The following CDH23 variants were observed in gnomAD, a reference collection of about 807,000 sequenced individuals.
CDH23 encodes the protein cadherin related 23, also known as cadherin-23.
CDH23 carries 189 observed loss-of-function variants against 317.1 expected under a neutral mutation model. The ratio of observed to expected loss-of-function variants is 0.60; its 90% CI spans 0.53 to 0.67. The LOEUF (loss-of-function observed/expected upper bound fraction) is 0.67, where lower values mean the gene tolerates loss of function less well. Among genes scored for constraint, CDH23 ranks in the 30% least tolerant of loss-of-function variants. The pLI is 0.00. For missense variants in CDH23, 4,401 were observed against 4,592.4 expected (o/e 0.96, Z 1.20); for synonymous variants, 1,839 against 1,876.8 (o/e 0.98, Z 0.52).
At chr10:71,590,026 G>T (rs546249243) in intron 9 of CDH23, among the ~76,000 whole-genome samples, 1 of 152,314 alleles carries the variant, frequency 6.6e-6, no homozygotes, top group South Asian at 2.1e-4. Flanking sequence ...CCAGCAGGCT[G>T]GCTGTAAGCC....
intron 17 of CDH23, among the ~76,000 whole-genome samples, chr10:71,680,158 T>A (rs1418342138): frequency 6.6e-6 from 1 of 152,206 alleles, no homozygotes; most frequent in African/African-American, 2.4e-5. Flanking sequence ...TTTGACACTG[T>A]CTCCCCTTAC....
In CDH23 at chr10:71,690,552, G is replaced by T. The variant is rs750954981; in HGVS notation, c.2144G>T (p.Gly715Val). The change falls in exon 20 of 70, where the codon GGC (glycine) becomes GTC (valine). Residue 715 changes from glycine (G) to valine (V), a missense_variant. By Grantham distance (109) the Gly-to-Val change is moderately radical. Around this residue, in one of 3 missense-constraint regions of CDH23, gnomAD observed 3,068 missense variants for 3,203.3 expected, o/e 0.96. Coordinates refer to ENST00000224721, the MANE Select transcript of CDH23 (RefSeq NM_022124.6). ...GQESIIYSLE[G>V]STQFRINARS... ...GAGTCCATCATCTACTCCTTGGAAG[G>T]CTCCACCCAGTTTCGGATCAATGCC... 12 of 1,608,094 alleles carry T rather than the reference G, an allele frequency of 7.5e-6. No homozygotes were observed. The highest frequency in any genetic ancestry group is 2.2e-5 in the East Asian group (1 of 44,752).
intron 28 of CDH23, among the ~76,000 whole-genome samples, chr10:71,723,412 C>A (rs1402098126): frequency 6.6e-6 from 1 of 152,194 alleles, no homozygotes; most frequent in Admixed American, 6.5e-5. Context: ...AACGTCCCCC[C>A]CCACACACAA....
At position 71,745,091 on chromosome 10, in the gene CDH23, T is replaced by C. The variant is rs185836310; in HGVS notation, c.4845+3170T>C. 7.1e-3 allele frequency among the ~76,000 whole-genome samples: 1,084 copies of C among 152,364 alleles called. 5 individuals carry two copies. Among genetic ancestry groups the C allele is most frequent in the Admixed American group, 0.011 (169 of 15,308 alleles). ...ACTCATTCACTCATTCACTCATTCA[T>C]TCATTCAGCCATTGTCCCTGAATGG... On this transcript the variant is annotated intron_variant, in intron 38 of 69. Transcript: ENST00000224721.
At chr10:71,730,356 C>A in intron 30 of CDH23, 113 bp from the exon 31 acceptor site, 1 of 1,390,124 alleles carries the variant, frequency 7.2e-7, no homozygotes, top group Non-Finnish European at 9.7e-7. Context: ...AGAGGGAGCT[C>A]ACAGCAGGCC....
intron 23 of CDH23, 101 bp from the exon 24 acceptor site, chr10:71,702,448 T>C (rs1240219110): frequency 6.8e-7 from 1 of 1,466,012 alleles, no homozygotes; most frequent in Non-Finnish European, 9.4e-7. Context: ...GATGGAGGGC[T>C]CTGAATCTGC....
At chr10:71,813,056 G>A (rs534457192) in intron 68 of CDH23, among the ~76,000 whole-genome samples, 166 bp downstream of exon 68, 1 of 152,310 alleles carries the variant, frequency 6.6e-6, no homozygotes, top group African/African-American at 2.4e-5. Flanking sequence ...GTGGCCTTAA[G>A]GGCAGGGCTC....
chr10:71,676,727 G>A (rs945464195), intron 15 of CDH23, among the ~76,000 whole-genome samples: 4 of 152,342 alleles, frequency 2.6e-5, no homozygotes, highest in Admixed American at 1.3e-4. Flanking sequence ...ATGGCTGAAT[G>A]CACAGGGAGC....
At chr10:71,674,549 G>T (rs140879204) in intron 14 of CDH23, among the ~76,000 whole-genome samples, 1 of 152,160 alleles carries the variant, frequency 6.6e-6, no homozygotes, top group Non-Finnish European at 1.5e-5. Flanking sequence ...ACCTCTGCAT[G>T]GATTATTTAC....
chr10:71,415,158 T>C (rs898871129), intron 1 of CDH23, among the ~76,000 whole-genome samples: 3 of 152,218 alleles, frequency 2.0e-5, no homozygotes, highest in South Asian at 4.1e-4. Flanking sequence ...GTGCCCAGGC[T>C]GGAGTGCAGT....
At chr10:71,659,960 GTTTTTTTTTT>G (rs5786047) in intron 14 of CDH23, among the ~76,000 whole-genome samples, 23 of 119,530 alleles carry the variant, frequency 1.9e-4, no homozygotes, top group African/African-American at 6.8e-4. Context: ...CTTTCTTTCC[GTTTTTTTTTT>G]TTTTTTTTTT....
chr10:71,704,130 G>C (rs974378604), intron 24 of CDH23, among the ~76,000 whole-genome samples: 1 of 152,232 alleles, frequency 6.6e-6, no homozygotes, highest in Non-Finnish European at 1.5e-5. Flanking sequence ...GCTGAGTCCA[G>C]ACACCTCTCG....
Position 71,694,152 on chromosome 10 carries a change from A to G in CDH23, c.2182A>G (p.Ile728Val), listed in dbSNP as rs1865286018. 5 of 1,613,544 alleles carry G rather than the reference A, an allele frequency of 3.1e-6. No homozygotes were observed. The African/African-American group carries it at 6.7e-5, about 22-fold the overall frequency. Reference sequence around the variant, plus strand: ...CCCACTTCTCTCTCTGGCAGGGGAAATCACCACCACGTCTCTGCTTGACCG... The same window carrying G: ...CCCACTTCTCTCTCTGGCAGGGGAAGTCACCACCACGTCTCTGCTTGACCG... Reference protein sequence around the residue: ...QFRINARSGEITTTSLLDRET... With the variant: ...QFRINARSGEVTTTSLLDRET... The change falls in exon 21 of 70, where the codon ATC becomes GTC. Residue 728 changes from isoleucine to valine, a missense_variant. Ile to Val is a conservative substitution (Grantham distance 29). Transcript: ENST00000224721.
At chr10:71,417,968 C>G (rs906029947) in intron 1 of CDH23, among the ~76,000 whole-genome samples, 12 of 152,226 alleles carry the variant, frequency 7.9e-5, no homozygotes, top group African/African-American at 2.9e-4. Context: ...TCAACTGTAT[C>G]TAATTCACTG....
Position 71,791,186 on chromosome 10 carries a change from C to A in CDH23, c.6104C>A (p.Pro2035His). The change falls in exon 47 of 70, where the codon CCC becomes CAC. Residue 2035 changes from proline to histidine, a missense_variant. Around this residue, in one of 3 missense-constraint regions of CDH23, gnomAD observed 3,068 missense variants for 3,203.3 expected, o/e 0.96. Coordinates refer to ENST00000224721, the MANE Select transcript of CDH23 (RefSeq NM_022124.6). ...ATTGACCGGGAGGCATTCTCGCCACCCATCCTGGAGCTGCTGCTGCTGGCT... is the reference window on the plus strand; with the variant it reads ...ATTGACCGGGAGGCATTCTCGCCACACATCCTGGAGCTGCTGCTGCTGGCT... ...VIIDREAFSP[P>H]ILELLLLAED... The A allele has an allele frequency of 6.2e-7, 1 of 1,613,188 alleles. No individual in the cohort carries two copies. The highest frequency in any genetic ancestry group is 8.5e-7 in the Non-Finnish European group (1 of 1,179,612).
chr10:71,743,517 ACC>A (rs1839786136), intron 38 of CDH23, among the ~76,000 whole-genome samples: 1 of 152,098 alleles, frequency 6.6e-6, no homozygotes, highest in Non-Finnish European at 1.5e-5. Context: ...GACTCTGGGC[ACC>A]CCTGTGGGCA....
Position 71,397,210 on chromosome 10 carries a change from A to G in CDH23, c.-114A>G. The G allele has an allele frequency of 4.1e-6, 1 of 242,656 alleles. No homozygotes were observed. The highest frequency in any genetic ancestry group is 8.3e-6 in the Non-Finnish European group (1 of 121,080). 15.0% of individuals were successfully genotyped at this position (242,656 alleles called of 1,614,324 possible). On this transcript the variant is annotated 5_prime_UTR_variant, in exon 1 of 70. Coordinates refer to ENST00000224721, the MANE Select transcript of CDH23 (RefSeq NM_022124.6). The surrounding 1 kb of genome is among the most constrained non-coding windows in gnomAD (Gnocchi z 4.8). ...GCGGATGAGCCTTCGCGCCGGCGGG[A>G]AGACGCGGCGGTGGCCAGGGCCAGA...
chr10:71,530,034 G>GACAC (rs57652121), intron 6 of CDH23, among the ~76,000 whole-genome samples: 32,829 of 140,766 alleles, frequency 0.23, 4,038 homozygotes, highest in Non-Finnish European at 0.29. Flanking sequence ...CACACATACA[G>GACAC]ACACACACAC....
At chr10:71,810,923 A>G (rs866681928) in intron 62 of CDH23, among the ~76,000 whole-genome samples, 1 of 152,046 alleles carries the variant, frequency 6.6e-6, no homozygotes, top group Non-Finnish European at 1.5e-5. Context: ...TCTACTAAAA[A>G]TACAAATATT....
Sources: allele counts gnomAD v4.1 joint callset (sites outside exome capture counted in the v4.1 genomes callset), GRCh38; gene constraint gnomAD v4.1.1; regional missense constraint gnomAD v4.1.1; non-coding constraint Gnocchi (gnomAD v3.1); transcripts MANE v1.5; gene names NCBI Gene and HGNC (gene_info 2026-07-23, HGNC 2026-07-21).